The following ALCAM variants were observed in gnomAD, a reference collection of about 807,000 sequenced individuals.
The protein encoded by ALCAM is CD166 antigen.
In ALCAM, 30 loss-of-function variants were observed where a neutral mutation model predicts 70.9. The ratio of observed to expected loss-of-function variants is 0.42; its 90% CI spans 0.32 to 0.57. ALCAM has a LOEUF of 0.57. Ranked by LOEUF, ALCAM falls within the 20% of genes least tolerant of loss-of-function variation. The pLI is 0.11. For synonymous variants in ALCAM, 249 were observed against 242.5 expected (o/e 1.03, Z -0.25); for missense variants, 591 against 695.1 (o/e 0.85, Z 1.68).
At chr3:105,524,921 C>A (rs532418158) in intron 3 of ALCAM, 3 of 985,960 alleles carry the variant, frequency 3.0e-6, no homozygotes, top group Non-Finnish European at 3.6e-6. Flanking sequence ...AATGAAATTG[C>A]CATTTTGCTG....
chr3:105,489,408 G>T (rs1938522635), intron 1 of ALCAM, among the ~76,000 whole-genome samples: 1 of 152,076 alleles, frequency 6.6e-6, no homozygotes, highest in Non-Finnish European at 1.5e-5. Context: ...TAATTGTTCA[G>T]TCAAAAGTCA....
chr3:105,507,163 G>T (rs58474331), intron 1 of ALCAM, among the ~76,000 whole-genome samples: 1 of 152,002 alleles, frequency 6.6e-6, no homozygotes, highest in African/African-American at 2.4e-5. Context: ...CTCCTATATA[G>T]GCCCGCAATT....
intron 1 of ALCAM, among the ~76,000 whole-genome samples, chr3:105,412,301 G>A (rs539576677): frequency 2.0e-5 from 3 of 152,124 alleles, no homozygotes; most frequent in South Asian, 2.1e-4. Context: ...GAACATCAAG[G>A]TCAAAAAGAA....
At chr3:105,463,556 C>A (rs1443406807) in intron 1 of ALCAM, among the ~76,000 whole-genome samples, 1 of 151,330 alleles carries the variant, frequency 6.6e-6, no homozygotes, top group African/African-American at 2.4e-5. Flanking sequence ...TTGCAATTTA[C>A]AAGAATTGGG....
chr3:105,563,392 A>AT (rs1279010714), intron 14 of ALCAM, among the ~76,000 whole-genome samples: 1 of 150,316 alleles, frequency 6.7e-6, no homozygotes, highest in Admixed American at 6.6e-5. Context: ...TCTATTGCTT[A>AT]TTTTTTATGA....
chr3:105,574,245 G>A (rs898207781), intron 15 of ALCAM, among the ~76,000 whole-genome samples: 1 of 151,928 alleles, frequency 6.6e-6, no homozygotes, highest in Non-Finnish European at 1.5e-5. Context: ...AAAAAAACTT[G>A]TAATATTAGT....
Position 105,432,797 on chromosome 3 carries a change from G to T in ALCAM, c.73+65316G>T, listed in dbSNP as rs114108576. ...ATAATAGAATGCAAAATGCATACTA[G>T]AAAGGAAATTGTCCTGCAGAGTTTC... On this transcript the variant is annotated intron_variant, in intron 1 of 15. Transcript: ENST00000306107. Among the ~76,000 whole-genome samples the T allele has an allele frequency of 2.3e-3, 354 of 152,138 alleles. 1 individual carries two copies. Among genetic ancestry groups the T allele is most frequent in the Non-Finnish European group, 4.0e-3 (274 of 67,946 alleles).
At chr3:105,521,307 C>CAAAAAAAAAA (rs3996196) in intron 2 of ALCAM, among the ~76,000 whole-genome samples, 1 of 78,138 alleles carries the variant, frequency 1.3e-5, no homozygotes, top group Non-Finnish European at 2.3e-5. Flanking sequence ...GACTCCGTCT[C>CAAAAAAAAAA]AAAAAAAAAA....
intron 1 of ALCAM, among the ~76,000 whole-genome samples, chr3:105,437,412 A>G (rs1237497961): frequency 6.6e-6 from 1 of 152,088 alleles, no homozygotes; most frequent in Non-Finnish European, 1.5e-5. Context: ...GCCTTTCCCA[A>G]TTTCTGAAAT....
intron 9 of ALCAM, among the ~76,000 whole-genome samples, 175 bp from the exon 10 acceptor site, chr3:105,546,974 C>G (rs1309242799): frequency 2.0e-5 from 3 of 151,410 alleles, no homozygotes; most frequent in African/African-American, 7.3e-5. Flanking sequence ...ACATGTCTGA[C>G]TCTAAAACAA....
intron 1 of ALCAM, among the ~76,000 whole-genome samples, chr3:105,447,041 G>A (rs1057016825): frequency 2.0e-5 from 3 of 152,130 alleles, no homozygotes; most frequent in Non-Finnish European, 2.9e-5. Flanking sequence ...ATAAATGTGC[G>A]AAGTTATGGA....
chr3:105,549,041 A>G (rs1386093385), intron 11 of ALCAM, among the ~76,000 whole-genome samples: 1 of 151,536 alleles, frequency 6.6e-6, no homozygotes, highest in Non-Finnish European at 1.5e-5. Context: ...TAGAGTTTAA[A>G]GTAACAAAAA....
chr3:105,514,600 G>C lies in ALCAM; in HGVS notation c.74-5467G>C, dbSNP rs796747247. Reference sequence around the variant, plus strand: ...TGTTTAATAAAAAGATAAATATTTAGAGCATTAAATTATATCAAACTTGGA... The same window carrying C: ...TGTTTAATAAAAAGATAAATATTTACAGCATTAAATTATATCAAACTTGGA... On this transcript the variant is annotated intron_variant, in intron 1 of 15. Transcript: ENST00000306107. Among the ~76,000 whole-genome samples, 24 of 151,900 alleles carry C rather than the reference G, an allele frequency of 1.6e-4. 2 individuals carry two copies. Among genetic ancestry groups the C allele is most frequent in the African/African-American group, 5.3e-4 (22 of 41,466 alleles).
intron 1 of ALCAM, among the ~76,000 whole-genome samples, chr3:105,439,755 G>T (rs1041259372): frequency 5.9e-5 from 9 of 152,270 alleles, no homozygotes; most frequent in African/African-American, 2.2e-4. Context: ...AAGGCAGAGG[G>T]AGTTAACTTC....
chr3:105,549,272 A>G (rs989142750), intron 11 of ALCAM, among the ~76,000 whole-genome samples: 1 of 151,340 alleles, frequency 6.6e-6, no homozygotes, highest in African/African-American at 2.4e-5. Flanking sequence ...ATACATGGTG[A>G]ATCTGTTATT....
intron 1 of ALCAM, among the ~76,000 whole-genome samples, chr3:105,513,689 T>A (rs934111790): frequency 2.0e-5 from 3 of 151,994 alleles, no homozygotes; most frequent in African/African-American, 7.2e-5. Context: ...CTTCAGTCAA[T>A]TCTGTTGCTT....
intron 15 of ALCAM, among the ~76,000 whole-genome samples, chr3:105,573,979 G>A (rs530297672): frequency 6.6e-6 from 1 of 152,158 alleles, no homozygotes; most frequent in Non-Finnish European, 1.5e-5. Flanking sequence ...GAACTGGATT[G>A]CTTCTCTATC....
chr3:105,551,178 A>G (rs369023058), intron 12 of ALCAM, among the ~76,000 whole-genome samples: 98 of 151,760 alleles, frequency 6.5e-4, no homozygotes, highest in African/African-American at 2.2e-3. Flanking sequence ...TGACTGGAAT[A>G]TAAAGGCCTA....
chr3:105,503,947 C>T (rs1033608325), intron 1 of ALCAM, among the ~76,000 whole-genome samples: 2 of 152,234 alleles, frequency 1.3e-5, no homozygotes, highest in Non-Finnish European at 2.9e-5. Flanking sequence ...ATCAATCCCT[C>T]CTCTGCTCCT....
Sources: allele counts gnomAD v4.1 joint callset (sites outside exome capture counted in the v4.1 genomes callset), GRCh38; gene constraint gnomAD v4.1.1; transcripts MANE v1.5; gene names NCBI Gene and HGNC (gene_info 2026-07-23, HGNC 2026-07-21).